TAF6: variants seen among roughly 807,000 people sequenced by gnomAD.
TAF6 encodes TATA-box binding protein associated factor 6, also known as transcription initiation factor TFIID subunit 6.
In TAF6, 50 loss-of-function variants were observed where a neutral mutation model predicts 73.5. That is an observed-to-expected ratio of 0.68 (90% CI 0.54 to 0.86). TAF6 has a LOEUF of 0.86. Among genes scored for constraint, TAF6 ranks in the 40% least tolerant of loss-of-function variants. The pLI, the probability that TAF6 is intolerant of heterozygous loss-of-function variation, is 0.00. For synonymous variants in TAF6, 424 were observed against 376.7 expected, an observed-to-expected ratio of 1.13 and a Z score of -1.45; for missense variants, 768 against 899.5, an observed-to-expected ratio of 0.85 and a Z score of 1.87.
At position 100,112,855 on chromosome 7, in the gene TAF6, C is replaced by T; in HGVS notation, c.517G>A (p.Glu173Lys). 6.2e-7 allele frequency: 1 copy of T among 1,613,994 alleles called. No homozygotes were observed. The highest frequency in any genetic ancestry group is 8.5e-7 in the Non-Finnish European group (1 of 1,179,890). ...TTGCCCTTCAGGGGTCCGTCTTCCTCCTGGCCTGGCTTGGCTGACTTCAGG... is the reference window on the plus strand; with the variant it reads ...TTGCCCTTCAGGGGTCCGTCTTCCTTCTGGCCTGGCTTGGCTGACTTCAGG... ...EPLKSAKPGQ[E>K]EDGPLKGKGQ... Residue 173 changes from glutamate to lysine, a missense_variant, in exon 6 of 15, where the codon GAG (glutamate) becomes AAG (lysine). Transcript: ENST00000453269.
At position 100,107,424 on chromosome 7, in the gene TAF6, C is replaced by T; in HGVS notation, c.1856G>A (p.Gly619Glu). The change falls in exon 15 of 15, where the codon GGA becomes GAA. Residue 619 changes from glycine to glutamate, a missense_variant. By Grantham distance (98) the Gly-to-Glu change is moderately conservative (BLOSUM62 -2). Transcript: ENST00000453269. The stretch of plus-strand genomic sequence containing the variant: ...TGGAGAAGGATGGGAGGTGGGGCCT[C>T]CTTTGCCCTCCCCTGTTGGGGGAAG... Reference protein sequence around the residue: ...VSLPPTGEGKGGPTSHPSPVP... With the variant: ...VSLPPTGEGKEGPTSHPSPVP... 2 of 1,610,130 alleles carry T rather than the reference C, an allele frequency of 1.2e-6. No individual in the cohort carries two copies. Among genetic ancestry groups the T allele is most frequent in the Non-Finnish European group, 8.5e-7 (1 of 1,177,330 alleles).
chr7:100,111,116 A>C, intron 10 of TAF6, 23 bp downstream of exon 10: 1 of 1,608,016 alleles, frequency 6.2e-7, no homozygotes, highest in Non-Finnish European at 8.5e-7. Context: ...GAAGCAAATG[A>C]CGCTCAAGTT....
At chr7:100,122,048 T>TG (rs1389940024), upstream of TAF6, 5,641 of 309,490 alleles carry the variant, frequency 0.018, 38 homozygotes, top group Admixed American at 0.024. Flanking sequence ...AGAGTCCGTC[T>TG]GAAAAAAAAA....
intron 10 of TAF6, chr7:100,110,494 CTG>C (rs958532739): frequency 2.2e-6 from 1 of 459,548 alleles, no homozygotes; most frequent in Non-Finnish European, 4.0e-6. Flanking sequence ...TGGTGAAACT[CTG>C]TCTCTACTAA....
upstream of TAF6, chr7:100,119,474 A>G: frequency 7.4e-7 from 1 of 1,342,492 alleles, no homozygotes; most frequent in East Asian, 3.0e-5. Flanking sequence ...TTGTTTCTAC[A>G]TCTATATATA....
chr7:100,124,972 G>T, the TAF6 span: 2 of 1,484,210 alleles, frequency 1.3e-6, no homozygotes, highest in South Asian at 1.4e-5. Context: ...CAGCTTTCAG[G>T]GTGTGTTTAT....
At chr7:100,121,118 T>TATATATATATATATA (rs1798048567), upstream of TAF6, 1 of 31,894 alleles carries the variant, frequency 3.1e-5, no homozygotes, top group Admixed American at 5.3e-4. Context: ...ATATATATAT[T>TATATATATATATATA]TTTTTTTTTT....
chr7:100,112,258 G>T lies in TAF6; in HGVS notation c.575-5C>A. On this transcript the variant is annotated splice_region_variant and splice_polypyrimidine_tract_variant and intron_variant, in intron 6 of 14. Coordinates refer to ENST00000453269, the MANE Select transcript of TAF6 (RefSeq NM_139315.3). ...GCGGCGCCTTCTTCTCTTTCCCTGT[G>T]TGATTGGAAAGGTGGGTCTGACAAA... 1 of 1,610,656 alleles carries T rather than the reference G, an allele frequency of 6.2e-7. No individual in the cohort carries two copies. The highest frequency in any genetic ancestry group is 8.5e-7 in the Non-Finnish European group (1 of 1,178,612).
chr7:100,113,809 G>A (rs776724547), intron 3 of TAF6, 40 bp from the exon 4 acceptor site: 9 of 1,612,628 alleles, frequency 5.6e-6, no homozygotes, highest in Non-Finnish European at 7.6e-6. Flanking sequence ...AAGGGAGCCG[G>A]AGGAGACCTG....
chr7:100,123,238 A>T (rs1425117791), upstream of TAF6, among the ~76,000 whole-genome samples: 1 of 151,912 alleles, frequency 6.6e-6, no homozygotes, highest in African/African-American at 2.4e-5. Flanking sequence ...GCTACTTGGG[A>T]GGCTGAGGCA....
At chr7:100,110,305 A>C (rs757330521) in intron 10 of TAF6, 31 bp from the exon 11 acceptor site, 1 of 1,610,926 alleles carries the variant, frequency 6.2e-7, no homozygotes, top group South Asian at 1.1e-5. Flanking sequence ...ACTAAGATGA[A>C]GGGGTCTGAA....
upstream of TAF6, chr7:100,120,019 G>T (rs1001198871): frequency 1.1e-5 from 7 of 619,248 alleles, no homozygotes; most frequent in Non-Finnish European, 1.8e-5. Context: ...GGTCAAGGAA[G>T]CGAACGTGTA....
chr7:100,112,378 C>A, intron 6 of TAF6, 125 bp from the exon 7 acceptor site: 1 of 1,355,678 alleles, frequency 7.4e-7, no homozygotes, highest in African/African-American at 1.5e-5. Context: ...GCTCCCCCAT[C>A]CTTTCTGGGG....
At chr7:100,126,472 T>C in the TAF6 span, among the ~76,000 whole-genome samples, 7 of 152,092 alleles carry the variant, frequency 4.6e-5, no homozygotes, top group East Asian at 1.2e-3. Context: ...CCCTGCACTC[T>C]AGCCTGGGCG....
At chr7:100,114,534 A>C (rs972126332) in intron 1 of TAF6, 6 of 598,464 alleles carry the variant, frequency 1.0e-5, no homozygotes, top group African/African-American at 3.7e-5. Context: ...AGCCTGGCCA[A>C]CATGGAGAAA....
rs143637758 is a variant in TAF6, at chr7:100,113,754, G to C, written c.259C>G (p.His87Asp). 9.3e-6 allele frequency: 15 copies of C among 1,613,866 alleles called. No individual in the cohort carries two copies. The highest frequency in any genetic ancestry group is 2.5e-6 in the Non-Finnish European group (3 of 1,179,962). Reference protein sequence around the residue: ...LKNVEPLYGFHAQEFIPFRFA... With the variant: ...LKNVEPLYGFDAQEFIPFRFA... Reference sequence around the variant, plus strand: ...CGGAAAGGAATGAACTCCTGGGCGTGGAAGCCATAGAGTGGCTGTGGCAGG... The same window carrying C: ...CGGAAAGGAATGAACTCCTGGGCGTCGAAGCCATAGAGTGGCTGTGGCAGG... Residue 87 changes from histidine (H) to aspartate (D), a missense_variant, in exon 4 of 15, where the codon CAC becomes GAC. Transcript: ENST00000453269.
At position 100,114,134 on chromosome 7, in the gene TAF6, T is replaced by C. The variant is rs182080362; in HGVS notation, c.76A>G (p.Met26Val). 3 of 1,614,246 alleles carry C rather than the reference T, an allele frequency of 1.9e-6. No individual in the cohort carries two copies. The highest frequency in any genetic ancestry group is 1.7e-6 in the Non-Finnish European group (2 of 1,180,044). Residue 26 changes from methionine (M) to valine (V), a missense_variant, in exon 2 of 15, where the codon ATG (methionine) becomes GTG (valine). Physicochemically the swap from Met to Val is conservative, Grantham distance 21 (BLOSUM62 1). Coordinates refer to ENST00000453269, the MANE Select transcript of TAF6 (RefSeq NM_139315.3). ...SESMKVVAESMGIAQIQEETC... is the reference protein window; with the variant it reads ...SESMKVVAESVGIAQIQEETC... Reference sequence around the variant, plus strand: ...TCCTCCTGAATCTGGGCGATGCCCATGGATTCAGCCACCACCTTCATGGAC... The same window carrying C: ...TCCTCCTGAATCTGGGCGATGCCCACGGATTCAGCCACCACCTTCATGGAC...
At chr7:100,107,650 T>G (rs1796678046) in intron 14 of TAF6, 27 bp from the exon 15 acceptor site, 1 of 1,605,052 alleles carries the variant, frequency 6.2e-7, no homozygotes, top group African/African-American at 1.3e-5. Flanking sequence ...GGCAGGCCGC[T>G]TGCCCTGTGC....
At chr7:100,109,847 CAT>C in intron 12 of TAF6, 99 bp downstream of exon 12, 1 of 1,527,356 alleles carries the variant, frequency 6.5e-7, no homozygotes, top group Non-Finnish European at 8.8e-7. Context: ...CCTCTGAAAA[CAT>C]GAGGCAAAGA....
Sources: allele counts gnomAD v4.1 joint callset (sites outside exome capture counted in the v4.1 genomes callset), GRCh38; gene constraint gnomAD v4.1.1; transcripts MANE v1.5; gene names NCBI Gene and HGNC (gene_info 2026-07-23, HGNC 2026-07-21).